The following XRRA1 variants were observed in gnomAD, a reference collection of about 807,000 sequenced individuals.
The protein encoded by XRRA1 is X-ray radiation resistance-associated protein 1.
Under a neutral mutation model 80.2 loss-of-function variants are expected in XRRA1, and 69 were observed. The ratio of observed to expected loss-of-function variants is 0.86; its 90% CI spans 0.71 to 1.05. The LOEUF (loss-of-function observed/expected upper bound fraction) is 1.05. Ranked by LOEUF, XRRA1 falls within the 50% of genes least tolerant of loss-of-function variation. The pLI, the probability that XRRA1 is intolerant of heterozygous loss-of-function variation, is 0.00. For synonymous variants in XRRA1, 348 were observed against 389.9 expected, an observed-to-expected ratio of 0.89 and a Z score of 1.27; for missense variants, 967 against 976.4, an observed-to-expected ratio of 0.99 and a Z score of 0.13.
chr11:74,906,487 T>C (rs2054625668), intron 9 of XRRA1, 31 bp from the exon 10 acceptor site: 4 of 1,607,618 alleles, frequency 2.5e-6, no homozygotes, highest in South Asian at 1.1e-5. Flanking sequence ...TATAGAATCA[T>C]AGCAATAATG....
intron 8 of XRRA1, among the ~76,000 whole-genome samples, chr11:74,912,970 T>G (rs2056236934): frequency 6.6e-6 from 1 of 152,164 alleles, no homozygotes; most frequent in Admixed American, 6.5e-5. Flanking sequence ...GGTGCTCATC[T>G]CTGGGGATAT....
intron 10 of XRRA1, chr11:74,863,385 A>G: frequency 3.8e-6 from 1 of 260,440 alleles, no homozygotes; most frequent in South Asian, 5.5e-5. Flanking sequence ...TTCGAGCCTC[A>G]GAATTACTGG....
rs565735182 is a variant in XRRA1, at chr11:74,880,301, C to T, written c.1004-17280G>A. On this transcript the variant is annotated intron_variant, in intron 10 of 18. Coordinates refer to ENST00000684022, the MANE Select transcript of XRRA1 (RefSeq NM_001378157.1). The stretch of plus-strand genomic sequence containing the variant: ...ATGGTAGTTTGTATTTCTGTGGGAT[C>T]GGTGGTGATATCCCCTTTATCATTT... Among the ~76,000 whole-genome samples, 224 of 152,266 alleles carry T rather than the reference C, an allele frequency of 1.5e-3. 2 individuals are homozygous for T. The East Asian group carries it at 0.03, about 20-fold the overall frequency.
At position 74,845,281 on chromosome 11, in the gene XRRA1, G is replaced by A. The variant is rs1369694840; in HGVS notation, c.1729-10C>T. 2 of 1,603,528 alleles carry A rather than the reference G, an allele frequency of 1.2e-6. No homozygotes were observed. The highest frequency in any genetic ancestry group is 1.7e-6 in the Non-Finnish European group (2 of 1,173,930). On this transcript the variant is annotated splice_polypyrimidine_tract_variant and intron_variant, in intron 15 of 18. Coordinates refer to ENST00000684022, the MANE Select transcript of XRRA1 (RefSeq NM_001378157.1). ...AAGGCAGTTCACTCACCTGTGCCCA[G>A]GAAGAAAACGCATTCATTTGTCACT...
In XRRA1 at chr11:74,888,595, A is replaced by C. The variant is rs192405807; in HGVS notation, c.1003+17644T>G. ...ATGACTTTGACGAGTTGAGAGAAGA[A>C]GGCTTCGGACGATCGAACTACTCCA... On this transcript the variant is annotated intron_variant, in intron 10 of 18. Coordinates refer to ENST00000684022, the MANE Select transcript of XRRA1 (RefSeq NM_001378157.1). Among the ~76,000 whole-genome samples the C allele has an allele frequency of 3.5e-3, 535 of 152,358 alleles. 1 individual carries two copies. The highest frequency in any genetic ancestry group is 5.2e-3 in the Non-Finnish European group (355 of 68,028).
chr11:74,903,658 G>A (rs767184347), intron 10 of XRRA1, among the ~76,000 whole-genome samples: 1 of 152,042 alleles, frequency 6.6e-6, no homozygotes, highest in Non-Finnish European at 1.5e-5. Context: ...AGCGGAGATC[G>A]CACCATTGCA....
At chr11:74,920,793 T>C (rs1940500452) in intron 8 of XRRA1, among the ~76,000 whole-genome samples, 1 of 152,232 alleles carries the variant, frequency 6.6e-6, no homozygotes, top group Admixed American at 6.5e-5. Flanking sequence ...CCGAGAATAC[T>C]GTCTGGCACA....
chr11:74,938,893 A>T (rs564970378), intron 3 of XRRA1, among the ~76,000 whole-genome samples: 3 of 152,080 alleles, frequency 2.0e-5, no homozygotes, highest in Non-Finnish European at 4.4e-5. Context: ...CTACCTACCT[A>T]TCTCCTACTA....
rs567162491 is a variant in XRRA1 at position 74,927,644 on chromosome 11, A to T, written c.425-156T>A. ...CTCTAAATCTCTAACAACCCAGAAAAATAGGGATTACTACTTCCATTCTAT... is the reference window on the plus strand; with the variant it reads ...CTCTAAATCTCTAACAACCCAGAAATATAGGGATTACTACTTCCATTCTAT... On this transcript the variant is annotated intron_variant, in intron 6 of 18. Coordinates refer to ENST00000684022, the MANE Select transcript of XRRA1 (RefSeq NM_001378157.1). 2.6e-5 allele frequency among the ~76,000 whole-genome samples: 4 copies of T among 152,324 alleles called. No individual in the cohort carries two copies. The East Asian group carries it at 7.7e-4, about 29-fold the overall frequency.
chr11:74,865,243 A>G (rs1487598796), intron 10 of XRRA1, among the ~76,000 whole-genome samples: 1 of 152,132 alleles, frequency 6.6e-6, no homozygotes, highest in Non-Finnish European at 1.5e-5. Context: ...CTCTGAGCCA[A>G]TGAGACTGGG....
chr11:74,943,337 G>T (rs1946722993), intron 2 of XRRA1, among the ~76,000 whole-genome samples: 2 of 152,164 alleles, frequency 1.3e-5, no homozygotes, highest in Admixed American at 6.5e-5. Context: ...TTCCTCAAAG[G>T]CATGGATAGC....
At chr11:74,938,003 A>T (rs1945433130) in intron 3 of XRRA1, among the ~76,000 whole-genome samples, 1 of 152,170 alleles carries the variant, frequency 6.6e-6, no homozygotes, top group Non-Finnish European at 1.5e-5. Context: ...CATCTACTTT[A>T]TGCTGGGAAC....
intron 10 of XRRA1, among the ~76,000 whole-genome samples, chr11:74,899,934 C>T (rs1252300253): frequency 2.6e-5 from 4 of 152,004 alleles, no homozygotes; most frequent in African/African-American, 9.7e-5. Context: ...CAAAACCAGA[C>T]AAACACACAT....
At chr11:74,892,741 T>G (rs1413068309) in intron 10 of XRRA1, among the ~76,000 whole-genome samples, 1 of 151,876 alleles carries the variant, frequency 6.6e-6, no homozygotes, top group Non-Finnish European at 1.5e-5. Context: ...AAAAAGTGGG[T>G]GAAGGATATG....
At chr11:74,930,187 A>G (rs1943188801) in intron 6 of XRRA1, 113 bp downstream of exon 6, 3 of 927,152 alleles carry the variant, frequency 3.2e-6, no homozygotes, top group Non-Finnish European at 5.0e-6. Context: ...ATTGTACTCC[A>G]AAAAAGAGAT....
At chr11:74,854,107 A>T (rs571024449) in intron 12 of XRRA1, among the ~76,000 whole-genome samples, 2 of 152,328 alleles carry the variant, frequency 1.3e-5, no homozygotes, top group African/African-American at 4.8e-5. Context: ...GAAAGAACAT[A>T]CAATTTGAAG....
intron 10 of XRRA1, among the ~76,000 whole-genome samples, chr11:74,886,786 T>A (rs2049142516): frequency 6.6e-6 from 1 of 152,120 alleles, no homozygotes. Flanking sequence ...AGAACAGAGC[T>A]GGAGGCATTA....
intron 10 of XRRA1, among the ~76,000 whole-genome samples, chr11:74,901,570 A>G (rs1047896066): frequency 6.6e-6 from 1 of 152,250 alleles, no homozygotes; most frequent in East Asian, 1.9e-4. Flanking sequence ...CCAAAACAGT[A>G]TGGTACTGGC....
intron 10 of XRRA1, among the ~76,000 whole-genome samples, chr11:74,899,691 A>G (rs2053172141): frequency 6.6e-6 from 1 of 152,226 alleles, no homozygotes; most frequent in African/African-American, 2.4e-5. Context: ...ACAATCTACC[A>G]AGATTGAACT....
Sources: gnomAD v4.1 joint callset for allele counts (sites outside exome capture counted in the v4.1 genomes callset) on GRCh38, gnomAD v4.1.1 for gene constraint, MANE v1.5 for transcripts, NCBI Gene and HGNC (gene_info 2026-07-23, HGNC 2026-07-21) for gene names.